Variants in SHTN1 observed in about 807,000 individuals in gnomAD.
The protein encoded by SHTN1 is shootin 1, also known as shootin-1.
A neutral mutation model predicts 83.1 loss-of-function variants in SHTN1; 42 were observed. That is an observed-to-expected ratio of 0.51 (90% confidence interval 0.39 to 0.65). SHTN1 has a LOEUF of 0.65. Among genes scored for constraint, SHTN1 ranks in the 30% least tolerant of loss-of-function variants. The pLI, the probability that SHTN1 is intolerant of heterozygous loss-of-function variation, is 0.00. For missense variants in SHTN1, 622 were observed against 737.8 expected, an observed-to-expected ratio of 0.84 and a Z score of 1.82; for synonymous variants, 224 against 247.7, an observed-to-expected ratio of 0.90 and a Z score of 0.90.
intron 4 of SHTN1, among the ~76,000 whole-genome samples, chr10:116,959,223 T>A (rs1179086917): frequency 1.3e-5 from 2 of 152,224 alleles, no homozygotes; most frequent in Non-Finnish European, 2.9e-5. Context: ...ATTCTTCAGA[T>A]GAATAACAGG....
At chr10:117,122,979 A>G (rs573208907) in intron 1 of SHTN1, among the ~76,000 whole-genome samples, 1 of 152,342 alleles carries the variant, frequency 6.6e-6, no homozygotes, top group East Asian at 1.9e-4. Flanking sequence ...ATTGGTGAGC[A>G]CTACCATTCA....
At chr10:116,972,847 A>G (rs1317414453) in intron 2 of SHTN1, among the ~76,000 whole-genome samples, 1 of 152,140 alleles carries the variant, frequency 6.6e-6, no homozygotes, top group African/African-American at 2.4e-5. Context: ...TAGAGTCTCT[A>G]TTTGGCTCTT....
intron 1 of SHTN1, among the ~76,000 whole-genome samples, chr10:116,987,681 C>G (rs559482344): frequency 6.6e-6 from 1 of 151,986 alleles, no homozygotes. Context: ...CTTTGGGAGG[C>G]CTTGGTGGGC....
At chr10:117,028,462 A>G (rs1852360676) in intron 2 of SHTN1, among the ~76,000 whole-genome samples, 1 of 152,180 alleles carries the variant, frequency 6.6e-6, no homozygotes, top group South Asian at 2.1e-4. Flanking sequence ...AATGGAAAAA[A>G]GGCCTCAAAG....
chr10:116,910,578 T>C (rs755183294), intron 14 of SHTN1, among the ~76,000 whole-genome samples: 1 of 152,220 alleles, frequency 6.6e-6, no homozygotes, highest in Non-Finnish European at 1.5e-5. Flanking sequence ...CGTCTGATTT[T>C]CAAAATTAAC....
intron 1 of SHTN1, among the ~76,000 whole-genome samples, chr10:116,982,632 A>T (rs1851066285): frequency 6.6e-6 from 1 of 152,148 alleles, no homozygotes; most frequent in South Asian, 2.1e-4. Flanking sequence ...CATCAGAGAC[A>T]TCCTCCAAAT....
intron 1 of SHTN1, among the ~76,000 whole-genome samples, chr10:117,105,947 G>C (rs1483250723): frequency 2.0e-5 from 3 of 152,020 alleles, no homozygotes; most frequent in African/African-American, 7.3e-5. Context: ...CTGACAGGTC[G>C]AGGCTGAGGT....
chr10:116,954,746 C>G (rs1180843177), intron 4 of SHTN1, among the ~76,000 whole-genome samples: 1 of 152,102 alleles, frequency 6.6e-6, no homozygotes, highest in African/African-American at 2.4e-5. Flanking sequence ...CAGTCAGATC[C>G]CCTCGCTAGA....
At chr10:117,013,170 G>GTTTA (rs1259529617) in intron 2 of SHTN1, among the ~76,000 whole-genome samples, 4 of 151,998 alleles carry the variant, frequency 2.6e-5, no homozygotes, top group Admixed American at 2.6e-4. Flanking sequence ...ACCAAAAGAA[G>GTTTA]TTTATTTATT....
chr10:117,088,531 AG>A (rs1853383799), intron 1 of SHTN1, among the ~76,000 whole-genome samples: 1 of 152,224 alleles, frequency 6.6e-6, no homozygotes, highest in South Asian at 2.1e-4. Context: ...AATTATAGCT[AG>A]AAGGGAAGAA....
intron 12 of SHTN1, among the ~76,000 whole-genome samples, chr10:116,916,886 A>C (rs1243422484): frequency 6.6e-6 from 1 of 152,240 alleles, no homozygotes; most frequent in African/African-American, 2.4e-5. Flanking sequence ...TGAAATGCTG[A>C]GAATTAAAAC....
intron 2 of SHTN1, among the ~76,000 whole-genome samples, chr10:117,015,079 C>A (rs1015167842): frequency 5.9e-5 from 9 of 151,870 alleles, no homozygotes; most frequent in Admixed American, 2.6e-4. Context: ...AATCCTGAGG[C>A]ATTTTTTTTT....
intron 9 of SHTN1, among the ~76,000 whole-genome samples, chr10:116,930,983 T>C (rs1002592978): frequency 1.3e-5 from 2 of 152,172 alleles, no homozygotes; most frequent in Admixed American, 6.5e-5. Context: ...TGATTAGTGA[T>C]GTTAAGCATT....
chr10:116,975,145 T>C (rs1589859704), intron 2 of SHTN1, among the ~76,000 whole-genome samples: 1 of 152,174 alleles, frequency 6.6e-6, no homozygotes, highest in Admixed American at 6.5e-5. Context: ...CCCATTTATC[T>C]TGATGTTAAA....
chr10:117,032,991 A>G lies in SHTN1; in HGVS notation c.-123+15454T>C, dbSNP rs556992438. Among the ~76,000 whole-genome samples the G allele has an allele frequency of 1.1e-4, 17 of 152,312 alleles. No homozygotes were observed. In the South Asian group the frequency reaches 3.1e-3, roughly 28 times the overall value. On this transcript the variant is annotated intron_variant, in intron 2 of 17. Transcript: ENST00000392901. ...GAAATTGAAAAATTTCTCAAAACAA[A>G]TAACAATGGAAACAGAACATACAAA...
intron 1 of SHTN1, among the ~76,000 whole-genome samples, chr10:116,993,038 T>C (rs1851502620): frequency 8.3e-6 from 1 of 121,034 alleles, no homozygotes; most frequent in Non-Finnish European, 1.7e-5. Context: ...TTTTTTGAGA[T>C]GGAGTCTCGC....
intron 12 of SHTN1, among the ~76,000 whole-genome samples, chr10:116,919,413 C>T (rs1848478990): frequency 6.6e-6 from 1 of 152,110 alleles, no homozygotes; most frequent in Non-Finnish European, 1.5e-5. Flanking sequence ...TACTTAGAAT[C>T]CCAAAATAGC....
At chr10:117,079,047 TTTATTA>T (rs1294190035) in intron 1 of SHTN1, among the ~76,000 whole-genome samples, 1 of 152,122 alleles carries the variant, frequency 6.6e-6, no homozygotes, top group African/African-American at 2.4e-5. Context: ...TATTTATTTT[TTTATTA>T]TTATAAGTTT....
chr10:116,989,882 C>T (rs894502464), intron 1 of SHTN1, among the ~76,000 whole-genome samples: 1 of 152,180 alleles, frequency 6.6e-6, no homozygotes, highest in African/African-American at 2.4e-5. Flanking sequence ...GTCCCAATTA[C>T]CAACTTATGA....
Sources: allele counts gnomAD v4.1 joint callset (sites outside exome capture counted in the v4.1 genomes callset), GRCh38; gene constraint gnomAD v4.1.1; transcripts MANE v1.5; gene names NCBI Gene and HGNC (gene_info 2026-07-23, HGNC 2026-07-21).